The following MTFR1 variants were observed in gnomAD, a reference collection of about 807,000 sequenced individuals.
MTFR1 encodes mitochondrial fission regulator 1.
In MTFR1, 28 loss-of-function variants were observed where a neutral mutation model predicts 38.8. The observed-to-expected ratio is 0.72, with a 90% CI of 0.53 to 0.99. MTFR1 has a LOEUF of 0.99. Ranked by LOEUF, MTFR1 falls within the 50% of genes least tolerant of loss-of-function variation. The probability of loss-of-function intolerance (pLI) is 0.00; values close to 1 mark genes in which losing one functional copy is unlikely to be tolerated. For missense variants in MTFR1, 358 were observed against 395.5 expected (o/e 0.91, Z 0.81); for synonymous variants, 145 against 137.0 (o/e 1.06, Z -0.41).
At chr8:65,734,462 G>C (rs184853117) in intron 3 of MTFR1, among the ~76,000 whole-genome samples, 15 of 152,166 alleles carry the variant, frequency 9.9e-5, no homozygotes, top group Non-Finnish European at 1.6e-4. Context: ...CCTCCTCTCT[G>C]TAGCTCCTCA....
chr8:65,697,135 C>T (rs935016600), intron 4 of MTFR1, among the ~76,000 whole-genome samples: 5 of 151,838 alleles, frequency 3.3e-5, no homozygotes, highest in Admixed American at 6.6e-5. Context: ...CAGGCGCCTG[C>T]CTCCATGCCT....
intron 2 of MTFR1, chr8:65,718,290 AAC>A (rs140158860): frequency 6.6e-6 from 1 of 152,452 alleles, no homozygotes; most frequent in East Asian, 1.9e-4. Flanking sequence ...CATGCACGCA[AAC>A]ACACATCCGT....
chr8:65,770,162 TGC>T lies in MTFR1; in HGVS notation c.*49-784_*49-783del, dbSNP rs1257933783. On this transcript the variant is annotated intron_variant, in intron 3 of 3. Transcript: ENST00000521247. Reference sequence around the variant, plus strand: ...GTGTGTGTGTGTGTGTGTGTGTGTGTGCCACACCTAATTCTTTTTTCTGAACA... The same window carrying T: ...GTGTGTGTGTGTGTGTGTGTGTGTGTCACACCTAATTCTTTTTTCTGAACA... 2.2e-4 allele frequency among the ~76,000 whole-genome samples: 32 copies of T among 142,750 alleles called. 2 individuals carry two copies. In the South Asian group the frequency reaches 3.5e-3, roughly 16 times the overall value. 93.6% of individuals were successfully genotyped at this position (142,750 alleles called of 152,430 possible).
chr8:65,692,423 C>T lies in MTFR1; in HGVS notation c.166-1221C>T, dbSNP rs139017439. Among the ~76,000 whole-genome samples, 1,304 of 152,180 alleles carry T rather than the reference C, an allele frequency of 8.6e-3. 8 individuals are homozygous for T. The highest frequency in any genetic ancestry group is 0.013 in the Non-Finnish European group (858 of 68,008). ...TGCAATCTTGGCTCACTGCAACTGC[C>T]GCCTCCCGGGTTCAAGTAATCCTCC... is the stretch of plus-strand genomic sequence containing the variant. On this transcript the variant is annotated intron_variant, in intron 3 of 7. Transcript: ENST00000262146.
chr8:65,685,646 A>C (rs1554549190), intron 3 of MTFR1, among the ~76,000 whole-genome samples: 1 of 152,208 alleles, frequency 6.6e-6, no homozygotes, highest in Non-Finnish European at 1.5e-5. Flanking sequence ...AGTAAACCTG[A>C]AATTCATATT....
At chr8:65,720,631 C>T (rs1158687591) in intron 3 of MTFR1, 1 of 152,760 alleles carries the variant, frequency 6.5e-6, no homozygotes, top group Non-Finnish European at 1.5e-5. Flanking sequence ...TGATCCATTC[C>T]CTCCACACGT....
At chr8:65,663,813 A>AT (rs1804285914) in intron 1 of MTFR1, among the ~76,000 whole-genome samples, 1 of 89,106 alleles carries the variant, frequency 1.1e-5, no homozygotes, top group Non-Finnish European at 2.3e-5. Flanking sequence ...CTTTTTTTTA[A>AT]TTTCTTTTCT....
intron 2 of MTFR1, among the ~76,000 whole-genome samples, chr8:65,717,045 T>C (rs1207735699): frequency 6.6e-6 from 1 of 152,176 alleles, no homozygotes; most frequent in Non-Finnish European, 1.5e-5. Flanking sequence ...TGTAAAAACA[T>C]CTAATTGTTT....
At chr8:65,763,560 C>T (rs967031909) in intron 3 of MTFR1, among the ~76,000 whole-genome samples, 4 of 121,424 alleles carry the variant, frequency 3.3e-5, no homozygotes, top group Admixed American at 7.5e-5. Context: ...AGTGAAACTC[C>T]GTCTCAAAAA....
Position 65,709,128 on chromosome 8 carries a change from G to A in MTFR1, c.*84G>A. 1.7e-6 allele frequency: 2 copies of A among 1,156,520 alleles called. No homozygotes were observed. Among genetic ancestry groups the A allele is most frequent in the Non-Finnish European group, 2.6e-6 (2 of 766,120 alleles). The allele number at this position is 1,156,520 out of a possible 1,614,324, so 71.6% of individuals were successfully genotyped here. ...TGCTAGTAGAAATCGACACTGTTTA[G>A]TAAATACCTCTTTAGTATTCAGTGG... On this transcript the variant is annotated 3_prime_UTR_variant, in exon 8 of 8. Coordinates refer to ENST00000262146, the MANE Select transcript of MTFR1 (RefSeq NM_014637.4).
chr8:65,646,218 T>C (rs1338748984), intron 1 of MTFR1, among the ~76,000 whole-genome samples: 1 of 152,308 alleles, frequency 6.6e-6, no homozygotes, highest in East Asian at 1.9e-4. Flanking sequence ...ATGAAGTAGG[T>C]ATTATTATCC....
intron 3 of MTFR1, chr8:65,745,424 A>G (rs376164224): frequency 6.4e-7 from 1 of 1,570,632 alleles, no homozygotes; most frequent in Admixed American, 1.7e-5. Flanking sequence ...TAGTCTATCA[A>G]ATAGAAAGAT....
At chr8:65,655,958 A>G (rs887810543) in intron 1 of MTFR1, among the ~76,000 whole-genome samples, 3 of 37,890 alleles carry the variant, frequency 7.9e-5, no homozygotes, top group African/African-American at 7.3e-4. Flanking sequence ...AAAAATATAT[A>G]TATATATATA....
intron 4 of MTFR1, among the ~76,000 whole-genome samples, chr8:65,703,781 C>G (rs753259622): frequency 1.3e-5 from 2 of 152,034 alleles, no homozygotes; most frequent in African/African-American, 4.8e-5. Flanking sequence ...CTTAAAATTT[C>G]TATGAATTAC....
chr8:65,703,107 A>G (rs1022261467), intron 4 of MTFR1, among the ~76,000 whole-genome samples: 24 of 151,962 alleles, frequency 1.6e-4, no homozygotes, highest in African/African-American at 5.3e-4. Context: ...AAAAAAAGGA[A>G]AGGAAGAAAT....
chr8:65,713,302 G>A (rs773454227), downstream of MTFR1, among the ~76,000 whole-genome samples: 14 of 152,100 alleles, frequency 9.2e-5, no homozygotes, highest in Middle Eastern at 3.4e-3. Flanking sequence ...TTAGCCAGGC[G>A]TGGTGGTGCA....
chr8:65,777,993 C>T, the MTFR1 span, among the ~76,000 whole-genome samples: 3 of 152,268 alleles, frequency 2.0e-5, no homozygotes, highest in East Asian at 5.8e-4. Context: ...ACTGCTCCTG[C>T]TACATTTTTC....
At position 65,710,229 on chromosome 8, in the gene MTFR1, TTAGGAGATGGGAGTAG is replaced by T. The variant is rs1805905096; in HGVS notation, c.*1186_*1201del. On this transcript the variant is annotated 3_prime_UTR_variant, in exon 8 of 8. Coordinates refer to ENST00000262146, the MANE Select transcript of MTFR1 (RefSeq NM_014637.4). ...AAGTTGTACTTCCTGGCTGGGAGTA[TTAGGAGATGGGAGTAG>T]AGATTCACTTTTAAGTTCTTGAAAA... The T allele has an allele frequency of 6.6e-6, 1 of 152,180 alleles. No homozygotes were observed. The highest frequency in any genetic ancestry group is 2.1e-4 in the South Asian group (1 of 4,836). The allele number at this position is 152,180 out of a possible 1,614,324, so 9.4% of individuals were successfully genotyped here. A position where few individuals can be genotyped will look rare whatever the true frequency, so the allele number is the denominator to read the frequency against.
intron 3 of MTFR1, among the ~76,000 whole-genome samples, chr8:65,742,319 C>G (rs1425913957): frequency 6.6e-6 from 1 of 152,296 alleles, no homozygotes; most frequent in Non-Finnish European, 1.5e-5. Flanking sequence ...AGCTAGTGTC[C>G]TCATGAACCA....
Sources: gnomAD v4.1 joint callset for allele counts (sites outside exome capture counted in the v4.1 genomes callset) on GRCh38, gnomAD v4.1.1 for gene constraint, MANE v1.5 for transcripts, NCBI Gene and HGNC (gene_info 2026-07-23, HGNC 2026-07-21) for gene names.